STX4: variants seen among roughly 807,000 people sequenced by gnomAD.
STX4 encodes the protein syntaxin-4.
Under a neutral mutation model 41.8 loss-of-function variants are expected in STX4, and 24 were observed. The ratio of observed to expected loss-of-function variants is 0.57; its 90% CI spans 0.42 to 0.81. STX4 has a LOEUF of 0.81. Ranked by LOEUF, STX4 falls within the 30% of genes least tolerant of loss-of-function variation. The pLI is 0.00. For missense variants in STX4, 316 were observed against 389.9 expected, an observed-to-expected ratio of 0.81 and a Z score of 1.60; for synonymous variants, 158 against 156.4, an observed-to-expected ratio of 1.01 and a Z score of -0.08.
At chr16:31,034,946 C>A (rs768603654) in intron 4 of STX4, 24 bp from the exon 5 acceptor site, 3 of 1,561,976 alleles carry the variant, frequency 1.9e-6, no homozygotes, top group African/African-American at 1.4e-5. Flanking sequence ...CAAGTACCCC[C>A]AATACCCCTG....
chr16:31,034,249 T>C lies in STX4; in HGVS notation c.156T>C (p.Ile52=). Reference sequence around the variant, plus strand: ...AGGTCCGGACAATTCGGCAGACTATTGTCAAACTGGGGAATAAAGTCCAGG... The same window carrying C: ...AGGTCCGGACAATTCGGCAGACTATCGTCAAACTGGGGAATAAAGTCCAGG... ...FHKVRTIRQT[I]VKLGNKVQEL... is the part of the protein sequence containing the mutation. Residue 52 remains isoleucine (I), a synonymous_variant, in exon 3 of 11, where the codon ATT becomes ATC. Coordinates refer to ENST00000313843, the MANE Select transcript of STX4 (RefSeq NM_004604.5). 6.2e-7 allele frequency: 1 copy of C among 1,614,104 alleles called. No homozygotes were observed. The highest frequency in any genetic ancestry group is 8.5e-7 in the Non-Finnish European group (1 of 1,180,026).
chr16:31,033,180 G>A (rs2056767882), upstream of STX4: 2 of 593,992 alleles, frequency 3.4e-6, no homozygotes, highest in Non-Finnish European at 3.3e-6. The surrounding 1 kb of genome is among the most constrained non-coding windows in gnomAD (Gnocchi z 5.5). Context: ...TCGGTCGTTG[G>A]GGTGCCGGGG....
Position 31,039,911 on chromosome 16 carries a change from G to A in STX4, c.*16-1G>A, listed in dbSNP as rs1347708473. On this transcript the variant is annotated splice_acceptor_variant, in intron 10 of 10. Transcript: ENST00000313843. LOFTEE classifies it low-confidence loss of function (3UTR_SPLICE). This position sits in a 1 kb window ranked among gnomAD's most constrained non-coding sequence, Gnocchi z 4.1. The stretch of plus-strand genomic sequence containing the variant: ...CCCTGTTCTCCCTCCTTTCCTTACA[G>A]GCACTAGGAGCACCAGGAACCCAGG... 7.7e-7 allele frequency: 1 copy of A among 1,304,656 alleles called. No homozygotes were observed. Among genetic ancestry groups the A allele is most frequent in the Non-Finnish European group, 1.1e-6 (1 of 917,484 alleles). 80.8% of individuals were successfully genotyped at this position (1,304,656 alleles called of 1,614,324 possible).
chr16:31,036,779 C>T (rs1379697479), intron 5 of STX4, among the ~76,000 whole-genome samples: 1 of 152,044 alleles, frequency 6.6e-6, no homozygotes, highest in African/African-American at 2.4e-5. Flanking sequence ...AAGGTGTTTG[C>T]TGGGAATGAG....
chr16:31,034,371 T>A (rs771118477), intron 3 of STX4, 46 bp downstream of exon 3: 1 of 1,612,234 alleles, frequency 6.2e-7, no homozygotes, highest in Non-Finnish European at 8.5e-7. Context: ...CCCCAGGGAT[T>A]GTGGGGGTTG....
upstream of STX4, chr16:31,033,534 C>T (rs894890564): frequency 2.3e-5 from 36 of 1,549,370 alleles, no homozygotes; most frequent in Non-Finnish European, 2.9e-5. The surrounding 1 kb of genome is among the most constrained non-coding windows in gnomAD (Gnocchi z 5.5). Flanking sequence ...TGCGCATGCC[C>T]CGAATTTATC....
chr16:31,033,830 A>G lies in STX4; in HGVS notation c.25A>G (p.Arg9Gly). The stretch of plus-strand genomic sequence containing the variant: ...CATGCGGGACAGGACCCACGAGCTG[A>G]GACAGGTGAGACGCCAGGGCAGCGG... The part of the protein sequence containing the change: MRDRTHEL[R>G]QGDDSSDEED... Residue 9 changes from arginine to glycine, a missense_variant, in exon 1 of 11, where the codon AGA becomes GGA. Transcript: ENST00000313843. This position sits in a 1 kb window ranked among gnomAD's most constrained non-coding sequence, Gnocchi z 5.5. 6.9e-7 allele frequency: 1 copy of G among 1,453,272 alleles called. No homozygotes were observed. Among genetic ancestry groups the G allele is most frequent in the Non-Finnish European group, 9.1e-7 (1 of 1,099,888 alleles). 90.0% of individuals were successfully genotyped at this position (1,453,272 alleles called of 1,614,324 possible).
rs1490668537 is a variant in STX4 at position 31,035,059 on chromosome 16, A to C, written c.378+19A>C. 1 of 1,589,056 alleles carries C rather than the reference A, an allele frequency of 6.3e-7. No homozygotes were observed. The highest frequency in any genetic ancestry group is 8.6e-7 in the Non-Finnish European group (1 of 1,165,876). On this transcript the variant is annotated intron_variant, in intron 5 of 10. Coordinates refer to ENST00000313843, the MANE Select transcript of STX4 (RefSeq NM_004604.5). ...AACCCAGGTGGGTTTTTTTTCTCAG[A>C]AATGAGGACATTTCAGCAAATGTTT...
chr16:31,034,321 G>A lies in STX4; in HGVS notation c.228G>A (p.Glu76=). ...QVTILATPLP[E]ESMKQELQNL... ...CCATCCTGGCCACGCCCCTTCCCGA[G>A]GAGAGTGAGTGAAACCCCGGCTGCA... Residue 76 remains glutamate (E), a synonymous_variant, in exon 3 of 11, where the codon GAG becomes GAA. Coordinates refer to ENST00000313843, the MANE Select transcript of STX4 (RefSeq NM_004604.5). 6.2e-7 allele frequency: 1 copy of A among 1,614,202 alleles called. No homozygotes were observed. Among genetic ancestry groups the A allele is most frequent in the Non-Finnish European group, 8.5e-7 (1 of 1,180,026 alleles).
Position 31,039,990 on chromosome 16 carries a change from C to T in STX4, c.*94C>T. 6.2e-6 allele frequency: 4 copies of T among 646,196 alleles called. No individual in the cohort carries two copies. Among genetic ancestry groups the T allele is most frequent in the East Asian group, 2.7e-5 (1 of 37,244 alleles). 40.0% of individuals were successfully genotyped at this position (646,196 alleles called of 1,614,324 possible). ...GGGCAGGGCAGAGCCTCCAGTCGGA[C>T]CCCTTCCTCACACTGGCCCCTATGC... On this transcript the variant is annotated 3_prime_UTR_variant, in exon 11 of 11. Coordinates refer to ENST00000313843, the MANE Select transcript of STX4 (RefSeq NM_004604.5). This position sits in a 1 kb window ranked among gnomAD's most constrained non-coding sequence, Gnocchi z 4.1.
rs768127794 is a variant in STX4 at position 31,034,048 on chromosome 16, G to C, written c.66G>C (p.Arg22=). 18 of 1,609,176 alleles carry C rather than the reference G, an allele frequency of 1.1e-5. No individual in the cohort carries two copies. Among genetic ancestry groups the C allele is most frequent in the Non-Finnish European group, 1.4e-5 (17 of 1,176,924 alleles). The change falls in exon 2 of 11, where the codon CGG becomes CGC. Residue 22 remains arginine (R), a synonymous_variant. Transcript: ENST00000313843. Reference sequence around the variant, plus strand: ...GCTCGGACGAAGAGGACAAGGAGCGGGTCGCGCTGGTGGTGCACCCGGGCA... The same window carrying C: ...GCTCGGACGAAGAGGACAAGGAGCGCGTCGCGCTGGTGGTGCACCCGGGCA... ...DDSSDEEDKE[R]VALVVHPGTA...
intron 4 of STX4, 22 bp downstream of exon 4, chr16:31,034,558 C>T (rs894938926): frequency 6.4e-7 from 1 of 1,552,562 alleles, no homozygotes; most frequent in Non-Finnish European, 8.7e-7. Context: ...GGACCTCAGA[C>T]AGATCCTTCC....
intron 5 of STX4, among the ~76,000 whole-genome samples, 153 bp from the exon 6 acceptor site, chr16:31,037,773 T>G (rs546944011): frequency 8.0e-4 from 121 of 152,038 alleles, no homozygotes; most frequent in African/African-American, 2.7e-3. Flanking sequence ...CTAAGAGAAA[T>G]GGGGGAGCCT....
intron 4 of STX4, 106 bp from the exon 5 acceptor site, chr16:31,034,864 A>G: frequency 1.9e-6 from 2 of 1,059,464 alleles, no homozygotes; most frequent in Non-Finnish European, 2.7e-6. Context: ...AAATAAACTT[A>G]CTTTCTCCTC....
intron 5 of STX4, among the ~76,000 whole-genome samples, chr16:31,036,588 G>A (rs910411543): frequency 6.6e-6 from 1 of 152,138 alleles, no homozygotes; most frequent in Non-Finnish European, 1.5e-5. Flanking sequence ...TGTCCTCATG[G>A]AACTTCCCTT....
chr16:31,039,501 G>A lies in STX4; in HGVS notation c.703-40G>A, dbSNP rs763694019. ...AGTCATCTGGGGTGGGGTGGGCAAA[G>A]GCATCCTTACCTCCCTGAACCACCC... is the stretch of plus-strand genomic sequence containing the variant. On this transcript the variant is annotated intron_variant, in intron 8 of 10. Transcript: ENST00000313843. The surrounding 1 kb of genome is among the most constrained non-coding windows in gnomAD (Gnocchi z 4.1). The A allele has an allele frequency of 1.3e-6, 2 of 1,597,422 alleles. No individual in the cohort carries two copies. The highest frequency in any genetic ancestry group is 1.1e-5 in the South Asian group (1 of 90,584).
chr16:31,037,150 G>A (rs1194823071), intron 5 of STX4, among the ~76,000 whole-genome samples: 1 of 143,338 alleles, frequency 7.0e-6, no homozygotes, highest in African/African-American at 2.6e-5. Context: ...TGCAACCTCC[G>A]CCTCCTGGGT....
Position 31,034,457 on chromosome 16 carries a change from T to C in STX4, c.233-5T>C, listed in dbSNP as rs369391210. ...GTTTGGGAGTCTTGGCCTTCTCTTATTCAGGCATGAAGCAGGAGCTGCAGA... is the reference window on the plus strand; with the variant it reads ...GTTTGGGAGTCTTGGCCTTCTCTTACTCAGGCATGAAGCAGGAGCTGCAGA... On this transcript the variant is annotated splice_polypyrimidine_tract_variant and splice_region_variant and intron_variant, in intron 3 of 10. Transcript: ENST00000313843. The C allele has an allele frequency of 8.7e-6, 14 of 1,601,276 alleles. No individual in the cohort carries two copies. The highest frequency in any genetic ancestry group is 3.3e-4 in the Middle Eastern group (2 of 5,988).
In STX4 at chr16:31,034,175, T is replaced by C. The variant is rs750443307; in HGVS notation, c.133-51T>C. Reference sequence around the variant, plus strand: ...GTGTAGGAGGACCCGAGGAGTAGCGTGGTCTGGAGTACCCCATATCTCTTT... The same window carrying C: ...GTGTAGGAGGACCCGAGGAGTAGCGCGGTCTGGAGTACCCCATATCTCTTT... On this transcript the variant is annotated intron_variant, in intron 2 of 10. Transcript: ENST00000313843. 10 of 1,613,232 alleles carry C rather than the reference T, an allele frequency of 6.2e-6. No homozygotes were observed. In the South Asian group the frequency reaches 9.9e-5, roughly 16 times the overall value.
Sources: allele counts gnomAD v4.1 joint callset (sites outside exome capture counted in the v4.1 genomes callset), GRCh38; gene constraint gnomAD v4.1.1; non-coding constraint Gnocchi (gnomAD v3.1); transcripts MANE v1.5; gene names NCBI Gene and HGNC (gene_info 2026-07-23, HGNC 2026-07-21).